Variants in RAB38 observed in about 807,000 individuals in gnomAD.
The protein encoded by RAB38 is ras-related protein Rab-38.
A neutral mutation model predicts 18.4 loss-of-function variants in RAB38; 15 were observed. The ratio of observed to expected loss-of-function variants is 0.82; its 90% CI spans 0.55 to 1.26. RAB38 has a LOEUF of 1.26. Among genes scored for constraint, RAB38 ranks in the 50% most tolerant of loss-of-function variants. The pLI, the probability that RAB38 is intolerant of heterozygous loss-of-function variation, is 0.00. For synonymous variants in RAB38, 101 were observed against 104.4 expected (o/e 0.97, Z 0.20); for missense variants, 294 against 267.4 (o/e 1.10, Z -0.69).
chr11:88,030,303 A>T, the RAB38 span, among the ~76,000 whole-genome samples: 1 of 152,238 alleles, frequency 6.6e-6, no homozygotes, highest in South Asian at 2.1e-4. Flanking sequence ...TCAACCTAAC[A>T]TCACAATTAA....
At chr11:88,039,684 G>C in the RAB38 span, among the ~76,000 whole-genome samples, 1 of 152,208 alleles carries the variant, frequency 6.6e-6, no homozygotes, top group Non-Finnish European at 1.5e-5. Flanking sequence ...GGCGAGGTAG[G>C]CTCAACAATA....
the RAB38 span, among the ~76,000 whole-genome samples, chr11:88,039,456 C>T: frequency 1.3e-5 from 2 of 152,006 alleles, no homozygotes; most frequent in African/African-American, 4.8e-5. Flanking sequence ...AGCAGCTAGG[C>T]ACCTAATACC....
chr11:87,884,193 C>A, the RAB38 span, among the ~76,000 whole-genome samples: 1 of 151,904 alleles, frequency 6.6e-6, no homozygotes. Context: ...ATGGTAATAA[C>A]TAATGGGACA....
At chr11:88,095,595 A>G in the RAB38 span, among the ~76,000 whole-genome samples, 1 of 151,842 alleles carries the variant, frequency 6.6e-6, no homozygotes, top group Non-Finnish European at 1.5e-5. Flanking sequence ...TCTTCTCTTT[A>G]TATTTACTTT....
the RAB38 span, among the ~76,000 whole-genome samples, chr11:87,892,572 A>G: frequency 6.6e-6 from 1 of 151,786 alleles, no homozygotes; most frequent in East Asian, 1.9e-4. Flanking sequence ...AGCATAGCCA[A>G]TCAAGCTCTA....
the RAB38 span, among the ~76,000 whole-genome samples, chr11:87,846,897 A>G: frequency 2.0e-5 from 3 of 152,096 alleles, no homozygotes; most frequent in East Asian, 3.9e-4. Context: ...GTTAAACTTC[A>G]TTTAAATAAA....
the RAB38 span, among the ~76,000 whole-genome samples, chr11:88,055,601 G>C: frequency 6.6e-6 from 1 of 152,152 alleles, no homozygotes; most frequent in African/African-American, 2.4e-5. Flanking sequence ...TACTGTGATA[G>C]AAAAACTAAA....
chr11:87,887,936 T>G, the RAB38 span, among the ~76,000 whole-genome samples: 1 of 151,612 alleles, frequency 6.6e-6, no homozygotes, highest in Non-Finnish European at 1.5e-5. Context: ...TGGTGCATTT[T>G]TTATACAACA....
the RAB38 span, among the ~76,000 whole-genome samples, chr11:87,933,824 C>T: frequency 6.6e-6 from 1 of 152,124 alleles, no homozygotes; most frequent in Non-Finnish European, 1.5e-5. Context: ...CCTTTCTCTA[C>T]CCAAGCTTCT....
At chr11:87,874,075 G>A in the RAB38 span, among the ~76,000 whole-genome samples, 41 of 150,188 alleles carry the variant, frequency 2.7e-4, no homozygotes, top group African/African-American at 1.0e-3. Flanking sequence ...AGTCCAATTC[G>A]ACAATATTCT....
the RAB38 span, among the ~76,000 whole-genome samples, chr11:87,970,974 T>C: frequency 6.6e-6 from 1 of 152,056 alleles, no homozygotes; most frequent in Non-Finnish European, 1.5e-5. Flanking sequence ...CTCTGGGATT[T>C]AAAAAACAAA....
the RAB38 span, among the ~76,000 whole-genome samples, chr11:87,890,481 T>C: frequency 6.6e-6 from 1 of 152,002 alleles, no homozygotes; most frequent in East Asian, 2.0e-4. Context: ...AAAATTCATA[T>C]CCGATCCTTG....
At chr11:88,031,918 C>T in the RAB38 span, among the ~76,000 whole-genome samples, 4 of 151,546 alleles carry the variant, frequency 2.6e-5, no homozygotes, top group East Asian at 5.8e-4. Context: ...GCCCGCATCG[C>T]CAAGTCAATC....
At chr11:87,884,558 G>C in the RAB38 span, among the ~76,000 whole-genome samples, 2 of 151,936 alleles carry the variant, frequency 1.3e-5, no homozygotes, top group South Asian at 4.1e-4. Context: ...TACTTCCTTA[G>C]TAAGCAGGAA....
At chr11:88,102,307 C>G in the RAB38 span, among the ~76,000 whole-genome samples, 1 of 152,052 alleles carries the variant, frequency 6.6e-6, no homozygotes, top group Non-Finnish European at 1.5e-5. Flanking sequence ...GGTAGGGCAA[C>G]TCACCATTAT....
the RAB38 span, among the ~76,000 whole-genome samples, chr11:88,079,309 AG>A: frequency 2.0e-5 from 3 of 151,858 alleles, no homozygotes; most frequent in Non-Finnish European, 4.4e-5. Flanking sequence ...AATGTCAAAA[AG>A]ATGATAGCTA....
the RAB38 span, among the ~76,000 whole-genome samples, chr11:87,958,246 C>T: frequency 6.6e-6 from 1 of 152,096 alleles, no homozygotes; most frequent in Non-Finnish European, 1.5e-5. Context: ...GCTGTGAGCA[C>T]ATATAAGTAG....
At chr11:88,142,433 C>T (rs1411234699) in intron 2 of RAB38, among the ~76,000 whole-genome samples, 1 of 152,336 alleles carries the variant, frequency 6.6e-6, no homozygotes, top group Admixed American at 6.5e-5. Context: ...TCAAGAGATT[C>T]TTAGAGCATC....
the RAB38 span, among the ~76,000 whole-genome samples, chr11:88,105,674 C>A: frequency 6.6e-6 from 1 of 152,080 alleles, no homozygotes; most frequent in Non-Finnish European, 1.5e-5. Context: ...AGCCCCTTTT[C>A]TAAAGAATTG....
Sources: gnomAD v4.1 joint callset for allele counts (sites outside exome capture counted in the v4.1 genomes callset) on GRCh38, gnomAD v4.1.1 for gene constraint, MANE v1.5 for transcripts, NCBI Gene and HGNC (gene_info 2026-07-23, HGNC 2026-07-21) for gene names.